The following SPTLC3 variants were observed in gnomAD, a reference collection of about 807,000 sequenced individuals.
The protein encoded by SPTLC3 is serine palmitoyltransferase 3.
A neutral mutation model predicts 59.3 loss-of-function variants in SPTLC3; 36 were observed. That is an observed-to-expected ratio of 0.61 (90% CI 0.47 to 0.80). The LOEUF (loss-of-function observed/expected upper bound fraction) is 0.80, where lower values mean the gene tolerates loss of function less well. Ranked by LOEUF, SPTLC3 falls within the 30% of genes least tolerant of loss-of-function variation. SPTLC3 has a pLI of 0.00. For synonymous variants in SPTLC3, 257 were observed against 240.8 expected (o/e 1.07, Z -0.62); for missense variants, 625 against 685.1 (o/e 0.91, Z 0.98).
intron 1 of SPTLC3, among the ~76,000 whole-genome samples, chr20:13,018,446 G>A (rs1222454261): frequency 6.6e-6 from 1 of 152,150 alleles, no homozygotes; most frequent in African/African-American, 2.4e-5. Flanking sequence ...AGAGATGAGT[G>A]TCCGGCTGTA....
chr20:13,009,536 G>T (rs994284742), intron 1 of SPTLC3, 152 bp downstream of exon 1: 7 of 717,682 alleles, frequency 9.8e-6, no homozygotes, highest in Non-Finnish European at 1.4e-5. Context: ...AAAGTGCTTG[G>T]CTACCAAAAA....
intron 1 of SPTLC3, among the ~76,000 whole-genome samples, chr20:13,033,676 A>G (rs1229650203): frequency 6.6e-6 from 1 of 152,174 alleles, no homozygotes; most frequent in Non-Finnish European, 1.5e-5. Flanking sequence ...TTTAAAAGAT[A>G]ATAAGAGATA....
intron 9 of SPTLC3, among the ~76,000 whole-genome samples, chr20:13,142,371 G>C (rs887044740): frequency 6.6e-6 from 1 of 152,104 alleles, no homozygotes; most frequent in Non-Finnish European, 1.5e-5. Flanking sequence ...AATACATATG[G>C]AATTCCATGT....
At chr20:13,106,463 G>C (rs572948904) in intron 6 of SPTLC3, among the ~76,000 whole-genome samples, 87 of 152,282 alleles carry the variant, frequency 5.7e-4, no homozygotes, top group African/African-American at 2.0e-3. Flanking sequence ...GACGAGAAGA[G>C]TTTGGGTTAA....
At chr20:13,101,115 ACT>A (rs1989585590) in intron 6 of SPTLC3, among the ~76,000 whole-genome samples, 1 of 152,148 alleles carries the variant, frequency 6.6e-6, no homozygotes, top group Admixed American at 6.5e-5. Context: ...TAGATAACTC[ACT>A]GTTATCCCTA....
intron 2 of SPTLC3, among the ~76,000 whole-genome samples, chr20:13,065,437 T>C (rs972640460): frequency 1.5e-4 from 23 of 151,864 alleles, no homozygotes; most frequent in African/African-American, 4.1e-4. Flanking sequence ...CATCTCTTTC[T>C]TTTATCTTCA....
At chr20:13,018,915 C>T (rs3848765) in intron 1 of SPTLC3, among the ~76,000 whole-genome samples, 85,939 of 152,000 alleles carry the variant, frequency 0.57, 26,950 homozygotes, top group South Asian at 0.72. Context: ...AAATATTTTC[C>T]GGTGATTTGG....
chr20:13,108,291 CT>C (rs1273466228), intron 6 of SPTLC3, among the ~76,000 whole-genome samples: 1 of 152,230 alleles, frequency 6.6e-6, no homozygotes, highest in Non-Finnish European at 1.5e-5. Context: ...ATTCACAACT[CT>C]ATTTCAAAGA....
intron 1 of SPTLC3, among the ~76,000 whole-genome samples, chr20:13,044,120 G>C (rs1987122614): frequency 7.3e-6 from 1 of 137,280 alleles, no homozygotes; most frequent in African/African-American, 2.7e-5. Flanking sequence ...TTTTTTTTGA[G>C]ATGGAGTCTT....
At chr20:13,140,520 A>G (rs2038356392) in intron 9 of SPTLC3, among the ~76,000 whole-genome samples, 3 of 152,186 alleles carry the variant, frequency 2.0e-5, no homozygotes, top group Admixed American at 2.0e-4. Context: ...ATATTAGAAT[A>G]TGATTCCGAT....
At chr20:13,040,499 T>C (rs1462462138) in intron 1 of SPTLC3, among the ~76,000 whole-genome samples, 2 of 151,960 alleles carry the variant, frequency 1.3e-5, no homozygotes, top group Admixed American at 1.3e-4. Context: ...GCTGGGACCA[T>C]AGGCGCAAGC....
At chr20:13,018,415 T>A (rs3843768) in intron 1 of SPTLC3, among the ~76,000 whole-genome samples, 1 of 152,010 alleles carries the variant, frequency 6.6e-6, no homozygotes, top group East Asian at 1.9e-4. Flanking sequence ...GCATAAGGAC[T>A]GTATGCTTAA....
At chr20:13,015,741 T>C (rs1365085699) in intron 1 of SPTLC3, among the ~76,000 whole-genome samples, 1 of 152,152 alleles carries the variant, frequency 6.6e-6, no homozygotes, top group Non-Finnish European at 1.5e-5. Flanking sequence ...GTAAATCATG[T>C]TGCTCACCAA....
intron 7 of SPTLC3, among the ~76,000 whole-genome samples, chr20:13,112,520 G>C (rs557319233): frequency 9.2e-5 from 14 of 152,276 alleles, no homozygotes; most frequent in African/African-American, 1.9e-4. Flanking sequence ...CCCCCTGATG[G>C]AGGATCCACT....
chr20:13,137,683 TA>T (rs933437550), intron 9 of SPTLC3, among the ~76,000 whole-genome samples: 1 of 152,134 alleles, frequency 6.6e-6, no homozygotes, highest in African/African-American at 2.4e-5. Flanking sequence ...AGATCATGTT[TA>T]AAAACATAGA....
chr20:13,126,405 G>T (rs2037991061), intron 8 of SPTLC3, among the ~76,000 whole-genome samples, 186 bp from the exon 9 acceptor site: 1 of 152,176 alleles, frequency 6.6e-6, no homozygotes, highest in Non-Finnish European at 1.5e-5. Context: ...TTGAGGGAGA[G>T]ACTATGAAGG....
intron 10 of SPTLC3, among the ~76,000 whole-genome samples, chr20:13,159,126 G>C (rs765080466): frequency 5.9e-5 from 9 of 152,198 alleles, no homozygotes; most frequent in Non-Finnish European, 1.2e-4. Context: ...TACAGCCTTT[G>C]AGCTTGATAT....
At chr20:13,038,045 A>AATATATATATATATATAT (rs74181398) in intron 1 of SPTLC3, among the ~76,000 whole-genome samples, 1,865 of 139,296 alleles carry the variant, frequency 0.013, 70 homozygotes, top group African/African-American at 0.048. Context: ...GAAAATCATG[A>AATATATATATATATATAT]ATATATATAT....
intron 2 of SPTLC3, among the ~76,000 whole-genome samples, chr20:13,053,858 C>A (rs370509987): frequency 4.6e-5 from 7 of 151,976 alleles, no homozygotes; most frequent in Non-Finnish European, 8.8e-5. Context: ...TAAAAAGGAA[C>A]GAACAAAGCC....
Sources: gnomAD v4.1 joint callset for allele counts (sites outside exome capture counted in the v4.1 genomes callset) on GRCh38, gnomAD v4.1.1 for gene constraint, MANE v1.5 for transcripts, NCBI Gene and HGNC (gene_info 2026-07-23, HGNC 2026-07-21) for gene names.